The following PRPF8 variants were observed in gnomAD, a reference collection of about 807,000 sequenced individuals.
PRPF8 encodes the protein pre-mRNA-processing-splicing factor 8.
PRPF8 carries 64 observed loss-of-function variants against 285.9 expected under a neutral mutation model. The ratio of observed to expected loss-of-function variants is 0.22; its 90% CI spans 0.18 to 0.28. The LOEUF is 0.28. Ranked by LOEUF, PRPF8 falls within the 10% of genes least tolerant of loss-of-function variation. PRPF8 has a pLI of 1.00. For missense variants in PRPF8, 1,426 were observed against 3,026.7 expected, an observed-to-expected ratio of 0.47 and a Z score of 12.41; for synonymous variants, 1,325 against 1,118.2, an observed-to-expected ratio of 1.18 and a Z score of -3.69.
Position 1,653,595 on chromosome 17 carries a change from G to C in PRPF8, c.6316C>G (p.Leu2106Val). 1 of 1,614,208 alleles carries C rather than the reference G, an allele frequency of 6.2e-7. No homozygotes were observed. The highest frequency in any genetic ancestry group is 8.5e-7 in the Non-Finnish European group (1 of 1,180,032). The part of the protein sequence containing the change: ...DIKETGYTYI[L>V]PKNVLKKFIC... ...AACTTCTTAAGCACATTCTTGGGAA[G>C]GATGTAGGTGTAGCCAGTCTCCTTG... The change falls in exon 39 of 43, where the codon CTT (leucine) becomes GTT (valine). Residue 2106 changes from leucine (L) to valine (V), a missense_variant. Coordinates refer to ENST00000304992, the MANE Select transcript of PRPF8 (RefSeq NM_006445.4). This position sits in a 1 kb window ranked among gnomAD's most constrained non-coding sequence, Gnocchi z 4.9.
chr17:1,681,535 T>A lies in PRPF8; in HGVS notation c.809A>T (p.Asn270Ile). ...LKAFFTSKAL[N>I]MAIPGGPKFE... ...TTTGGGGCCTCCAGGAATGGCCATATTGAGTGCCTTGGACGTAAAGAAGGC... is the reference window on the plus strand; with the variant it reads ...TTTGGGGCCTCCAGGAATGGCCATAATGAGTGCCTTGGACGTAAAGAAGGC... Residue 270 changes from asparagine (N) to isoleucine (I), a missense_variant, in exon 6 of 43, where the codon AAT (asparagine) becomes ATT (isoleucine). Physicochemically the swap from Asn to Ile is moderately radical, Grantham distance 149. This residue lies in a region of PRPF8 where 157 missense variants were observed against 159.6 expected (regional missense o/e 0.98). Transcript: ENST00000304992. The A allele has an allele frequency of 1.2e-6, 2 of 1,613,420 alleles. No individual in the cohort carries two copies. Among genetic ancestry groups the A allele is most frequent in the Non-Finnish European group, 1.7e-6 (2 of 1,179,340 alleles).
At chr17:1,667,639 G>A (rs1300999893) in intron 24 of PRPF8, among the ~76,000 whole-genome samples, 1 of 150,968 alleles carries the variant, frequency 6.6e-6, no homozygotes, top group Non-Finnish European at 1.5e-5. Context: ...CACCTCCGGG[G>A]CTCAAGTGGT....
Position 1,673,029 on chromosome 17 carries a change from G to C in PRPF8, c.3774+52C>G. 2.0e-6 allele frequency: 3 copies of C among 1,526,784 alleles called. No homozygotes were observed. The highest frequency in any genetic ancestry group is 1.1e-5 in the South Asian group (1 of 89,376). 94.6% of individuals were successfully genotyped at this position (1,526,784 alleles called of 1,614,324 possible). On this transcript the variant is annotated intron_variant, in intron 24 of 42. Transcript: ENST00000304992. This position sits in a 1 kb window ranked among gnomAD's most constrained non-coding sequence, Gnocchi z 5.5. ...GGACGAAGTGAAAGGGGTGTGAAAT[G>C]AGCAGAGGACAGCAGAGGACAAGAG...
At chr17:1,683,798 G>T (rs1039244912) in intron 2 of PRPF8, 97 bp from the exon 3 acceptor site, 28 of 1,460,322 alleles carry the variant, frequency 1.9e-5, no homozygotes, top group Non-Finnish European at 2.6e-5. Context: ...GTGTGAGGGA[G>T]AAGCAGGCAC....
rs376133819 is a variant in PRPF8, at chr17:1,657,095, CAG to C, written c.5506-336_5506-335del. Among the ~76,000 whole-genome samples the C allele has an allele frequency of 1.7e-3, 253 of 152,234 alleles. 2 individuals carry two copies. Among genetic ancestry groups the C allele is most frequent in the African/African-American group, 5.5e-3 (227 of 41,550 alleles). On this transcript the variant is annotated intron_variant, in intron 34 of 42. Coordinates refer to ENST00000304992, the MANE Select transcript of PRPF8 (RefSeq NM_006445.4). ...TGTCTTAAGGAGGGACTGTGATTAA[CAG>C]AGCAAAGAGGGGAGTTCATTCTAGA...
intron 20 of PRPF8, among the ~76,000 whole-genome samples, 167 bp from the exon 21 acceptor site, chr17:1,674,847 C>A (rs1912527868): frequency 6.6e-6 from 1 of 152,188 alleles, no homozygotes. Context: ...TCTCAGCTCA[C>A]TGCAACCTCC....
At position 1,651,477 on chromosome 17, in the gene PRPF8, T is replaced by A; in HGVS notation, c.6587A>T (p.His2196Leu). ...PQLSPQDVTT[H>L]AKIMADNPSW... ...TGGGTTGTCAGCCATGATCTTGGCA[T>A]GGGTGGTGACATCCTGGGGTGATAA... The change falls in exon 41 of 43, where the codon CAT becomes CTT. Residue 2196 changes from histidine (H) to leucine (L), a missense_variant. By Grantham distance (99) the His-to-Leu change is moderately conservative (BLOSUM62 -3). Around this residue, in one of 34 missense-constraint regions of PRPF8, gnomAD observed 160 missense variants for 373.7 expected, o/e 0.43. Transcript: ENST00000304992. The surrounding 1 kb of genome is among the most constrained non-coding windows in gnomAD (Gnocchi z 5.1). 6.2e-7 allele frequency: 1 copy of A among 1,614,158 alleles called. No homozygotes were observed. The highest frequency in any genetic ancestry group is 8.5e-7 in the Non-Finnish European group (1 of 1,180,008).
At position 1,679,371 on chromosome 17, in the gene PRPF8, C is replaced by T; in HGVS notation, c.1329G>A (p.Val443=). 1 of 1,613,836 alleles carries T rather than the reference C, an allele frequency of 6.2e-7. No homozygotes were observed. Among genetic ancestry groups the T allele is most frequent in the Non-Finnish European group, 8.5e-7 (1 of 1,180,020 alleles). ...EHCPAGQPVK[V]RVSYQKLLKY... ...TAAGCAGCTTCTGGTAGGAGACCCT[C>T]ACTTTCACAGGCTGCCCGGCAGGAC... Residue 443 remains valine (V), a synonymous_variant, in exon 10 of 43, where the codon GTG becomes GTA. Coordinates refer to ENST00000304992, the MANE Select transcript of PRPF8 (RefSeq NM_006445.4). The surrounding 1 kb of genome is among the most constrained non-coding windows in gnomAD (Gnocchi z 4.7).
chr17:1,654,088 G>A (rs1185336719), intron 37 of PRPF8, 72 bp from the exon 38 acceptor site: 1 of 1,609,982 alleles, frequency 6.2e-7, no homozygotes, highest in Non-Finnish European at 8.5e-7. Context: ...TGGAAAGGGT[G>A]TAACTTGGTA....
chr17:1,674,325 T>A lies in PRPF8; in HGVS notation c.3299+117A>T, dbSNP rs550592477. On this transcript the variant is annotated intron_variant, in intron 21 of 42. Coordinates refer to ENST00000304992, the MANE Select transcript of PRPF8 (RefSeq NM_006445.4). ...GCGTGAGCTACCGCACCCGGCCGCTTCATTCCATTTTAAAGCCCCAACAGC... is the reference window on the plus strand; with the variant it reads ...GCGTGAGCTACCGCACCCGGCCGCTACATTCCATTTTAAAGCCCCAACAGC... The A allele has an allele frequency of 4.4e-4, 491 of 1,118,044 alleles. 3 individuals carry two copies. In the African/African-American group the frequency reaches 6.8e-3, roughly 15 times the overall value. 69.3% of individuals were successfully genotyped at this position (1,118,044 alleles called of 1,614,324 possible).
At chr17:1,681,761 G>A (rs17761292) in intron 5 of PRPF8, 59 bp downstream of exon 5, 243,775 of 1,609,396 alleles carry the variant, frequency 0.15, 20,189 homozygotes, top group Non-Finnish European at 0.17. Flanking sequence ...TGATCTCCCA[G>A]GACTCCTTCT....
At chr17:1,652,435 C>T (rs369350625) in intron 39 of PRPF8, among the ~76,000 whole-genome samples, 19 of 152,294 alleles carry the variant, frequency 1.2e-4, no homozygotes, top group African/African-American at 3.1e-4. Flanking sequence ...GACGGGGTTT[C>T]GCCACGTTGG....
In PRPF8 at chr17:1,681,609, G is replaced by C; in HGVS notation, c.735C>G (p.Leu245=). 6.2e-7 allele frequency: 1 copy of C among 1,614,060 alleles called. No homozygotes were observed. The highest frequency in any genetic ancestry group is 8.5e-7 in the Non-Finnish European group (1 of 1,179,990). The change falls in exon 6 of 43, where the codon CTC becomes CTG. Residue 245 remains leucine, a synonymous_variant. Transcript: ENST00000304992. ...AGTTGTCATCCACCAAGTCTGTCAG[G>C]AGCTGATTAGCCAGGCGGTAGAGAG... ...MSTLYRLANQ[L]LTDLVDDNYF...
chr17:1,664,918 G>T (rs1911873529), intron 24 of PRPF8, among the ~76,000 whole-genome samples: 2 of 152,092 alleles, frequency 1.3e-5, no homozygotes, highest in Non-Finnish European at 2.9e-5. Context: ...AGCACTTTGG[G>T]AAGCCAAGGC....
intron 8 of PRPF8, 155 bp downstream of exon 8, chr17:1,680,570 AG>A (rs1253317432): frequency 1.3e-6 from 1 of 746,288 alleles, no homozygotes; most frequent in Non-Finnish European, 2.4e-6. Context: ...CATGTTTTAA[AG>A]CAAATGCTGA....
chr17:1,672,753 T>G (rs1912395690), intron 24 of PRPF8, among the ~76,000 whole-genome samples: 1 of 152,140 alleles, frequency 6.6e-6, no homozygotes, highest in African/African-American at 2.4e-5. Flanking sequence ...TCTATGCCAC[T>G]GGTTAACATG....
chr17:1,669,787 A>C (rs1912206679), intron 24 of PRPF8, among the ~76,000 whole-genome samples: 2 of 152,162 alleles, frequency 1.3e-5, no homozygotes, highest in Non-Finnish European at 2.9e-5. Flanking sequence ...CCTTGGTTCC[A>C]AGACCCGGCA....
chr17:1,684,675 T>G, intron 1 of PRPF8, 93 bp from the exon 2 acceptor site: 2 of 1,173,936 alleles, frequency 1.7e-6, no homozygotes, highest in Non-Finnish European at 2.5e-6. Context: ...CGGCCTGCAG[T>G]CCCGCCACAC....
At chr17:1,665,154 T>G in intron 24 of PRPF8, among the ~76,000 whole-genome samples, 1 of 95,834 alleles carries the variant, frequency 1.0e-5, no homozygotes, top group Non-Finnish European at 1.8e-5. Flanking sequence ...TGTGAGACTC[T>G]GCCTCAAAAA....
Sources: allele counts gnomAD v4.1 joint callset (sites outside exome capture counted in the v4.1 genomes callset), GRCh38; gene constraint gnomAD v4.1.1; regional missense constraint gnomAD v4.1.1; non-coding constraint Gnocchi (gnomAD v3.1); transcripts MANE v1.5; gene names NCBI Gene and HGNC (gene_info 2026-07-23, HGNC 2026-07-21).